Variants in PCDH9 observed in about 807,000 individuals in gnomAD.
PCDH9 encodes the protein protocadherin-9.
PCDH9 carries 24 observed loss-of-function variants against 70.6 expected under a neutral mutation model. The observed-to-expected ratio is 0.34, with a 90% CI of 0.25 to 0.48. The LOEUF is 0.48. PCDH9 is among the 20% of genes least tolerant of loss of function. PCDH9 has a pLI of 0.99. For missense variants in PCDH9, 1,281 were observed against 1,503.6 expected (o/e 0.85, Z 2.45); for synonymous variants, 562 against 558.5 (o/e 1.01, Z -0.09).
In PCDH9 at chr13:66,964,136, G is replaced by A. The variant is rs150129862; in HGVS notation, c.3037-60531C>T. 3.5e-3 allele frequency among the ~76,000 whole-genome samples: 528 copies of A among 151,834 alleles called. 2 individuals are homozygous for A. The highest frequency in any genetic ancestry group is 0.012 in the African/African-American group (506 of 41,432). On this transcript the variant is annotated intron_variant, in intron 2 of 4. Coordinates refer to ENST00000377865, the MANE Select transcript of PCDH9 (RefSeq NM_203487.3). The stretch of plus-strand genomic sequence containing the variant: ...ATATTCAAAAAACCAAAGATAACAC[G>A]GATATCTTTATTGGTAACAGAGTAA...
intron 3 of PCDH9, among the ~76,000 whole-genome samples, chr13:66,791,770 G>C (rs1225979731): frequency 1.4e-4 from 22 of 152,008 alleles, no homozygotes. Context: ...AATAACATTT[G>C]TTGTGATTGT....
chr13:67,143,528 A>G (rs536849319), intron 2 of PCDH9, among the ~76,000 whole-genome samples: 3 of 152,332 alleles, frequency 2.0e-5, no homozygotes, highest in African/African-American at 7.2e-5. Context: ...GCTGAATAGT[A>G]ATATTCACCC....
At chr13:66,623,689 TC>T (rs1340984132) in intron 4 of PCDH9, among the ~76,000 whole-genome samples, 1 of 152,194 alleles carries the variant, frequency 6.6e-6, no homozygotes, top group Non-Finnish European at 1.5e-5. Context: ...ATGTCCTGCC[TC>T]AGCCTCCCAA....
intron 2 of PCDH9, among the ~76,000 whole-genome samples, chr13:66,907,146 G>A (rs1033792130): frequency 2.0e-5 from 3 of 152,142 alleles, no homozygotes; most frequent in Non-Finnish European, 4.4e-5. Flanking sequence ...GGAGGTTGCA[G>A]TGAGCTGAGA....
rs1331551049 is a variant in PCDH9, at chr13:66,740,770, A to G, written c.3139-109359T>C. Among the ~76,000 whole-genome samples the G allele has an allele frequency of 1.2e-4, 18 of 151,436 alleles. No homozygotes were observed. The East Asian group carries it at 2.1e-3, about 18-fold the overall frequency. ...AATGAATAAATTCCTCGACACATACACTCTCCCAAGACTAAACCAGGAAGA... is the reference window on the plus strand; with the variant it reads ...AATGAATAAATTCCTCGACACATACGCTCTCCCAAGACTAAACCAGGAAGA... On this transcript the variant is annotated intron_variant, in intron 3 of 4. Coordinates refer to ENST00000377865, the MANE Select transcript of PCDH9 (RefSeq NM_203487.3).
intron 3 of PCDH9, among the ~76,000 whole-genome samples, chr13:66,737,882 CTG>C (rs1451049876): frequency 6.6e-6 from 1 of 151,634 alleles, no homozygotes; most frequent in Non-Finnish European, 1.5e-5. Flanking sequence ...GCACAGCAGT[CTG>C]AGATCAAACT....
chr13:67,203,940 G>C (rs767811388), intron 2 of PCDH9: 17 of 151,816 alleles, frequency 1.1e-4, no homozygotes, highest in Admixed American at 6.6e-5. Flanking sequence ...CTTTGTAGAA[G>C]AGAAAAAAAT....
intron 3 of PCDH9, among the ~76,000 whole-genome samples, chr13:66,868,623 G>A (rs1032869228): frequency 1.3e-5 from 2 of 152,012 alleles, no homozygotes; most frequent in Non-Finnish European, 2.9e-5. Flanking sequence ...AGACATGAGC[G>A]CATAGTAAAT....
intron 3 of PCDH9, among the ~76,000 whole-genome samples, chr13:66,648,517 T>A (rs1452668613): frequency 6.6e-6 from 1 of 152,222 alleles, no homozygotes; most frequent in Non-Finnish European, 1.5e-5. Context: ...GGGTGCCCCC[T>A]AATGCAGATG....
intron 3 of PCDH9, among the ~76,000 whole-genome samples, chr13:66,843,564 C>A (rs1023614475): frequency 2.0e-5 from 3 of 152,254 alleles, no homozygotes; most frequent in African/African-American, 7.2e-5. Flanking sequence ...GTCTCTGAAT[C>A]TGAGGCCAAG....
intron 2 of PCDH9, among the ~76,000 whole-genome samples, chr13:67,089,813 C>T (rs907967356): frequency 6.6e-6 from 1 of 151,878 alleles, no homozygotes; most frequent in Non-Finnish European, 1.5e-5. Context: ...ATAGAGAGAT[C>T]CTTAGATGAA....
At chr13:66,603,114 C>T (rs2077182591) in intron 4 of PCDH9, among the ~76,000 whole-genome samples, 1 of 145,816 alleles carries the variant, frequency 6.9e-6, no homozygotes, top group Admixed American at 6.9e-5. Flanking sequence ...TGATGCATGA[C>T]TATACTCTGG....
intron 4 of PCDH9, among the ~76,000 whole-genome samples, chr13:66,527,027 G>A (rs992014689): frequency 1.3e-5 from 2 of 152,104 alleles, no homozygotes; most frequent in Admixed American, 1.3e-4. Context: ...TAATATTTTG[G>A]GGATTTCTAT....
rs750871834 is a variant in PCDH9 at position 66,527,446 on chromosome 13, C to T, written c.3340+103764G>A. Among the ~76,000 whole-genome samples the T allele has an allele frequency of 3.3e-5, 5 of 152,056 alleles. No homozygotes were observed. The South Asian group carries it at 8.3e-4, about 25-fold the overall frequency. On this transcript the variant is annotated intron_variant, in intron 4 of 4. Transcript: ENST00000377865. ...TTTTCTTTCTCTGTATTCATCTTTG[C>T]CCCTCCCTTTTAATTTCTATAAAAC...
chr13:66,362,465 G>A (rs1956487663), intron 4 of PCDH9, among the ~76,000 whole-genome samples: 1 of 152,062 alleles, frequency 6.6e-6, no homozygotes, highest in Admixed American at 6.6e-5. Context: ...GTGATTCTGA[G>A]AGTGAAAGTC....
intron 4 of PCDH9, among the ~76,000 whole-genome samples, chr13:66,507,908 A>G (rs1196319929): frequency 6.6e-6 from 1 of 152,004 alleles, no homozygotes; most frequent in East Asian, 1.9e-4. Context: ...TTTTTAGTAG[A>G]GACAGGGTTT....
chr13:66,869,701 T>G (rs1001341672), intron 3 of PCDH9, among the ~76,000 whole-genome samples: 2 of 152,144 alleles, frequency 1.3e-5, no homozygotes, highest in Non-Finnish European at 2.9e-5. Flanking sequence ...TTATTGCTGG[T>G]GAAGTATGTG....
chr13:66,626,496 G>A (rs182162215), intron 4 of PCDH9, among the ~76,000 whole-genome samples: 5 of 152,266 alleles, frequency 3.3e-5, no homozygotes, highest in Admixed American at 3.3e-4. Context: ...GACCCCTCTA[G>A]GCAGATGAGA....
chr13:66,650,521 T>C (rs1438473199), intron 3 of PCDH9, among the ~76,000 whole-genome samples: 1 of 151,856 alleles, frequency 6.6e-6, no homozygotes, highest in African/African-American at 2.4e-5. Flanking sequence ...CTCAATACAA[T>C]AATAGCTAGA....
Sources: gnomAD v4.1 joint callset for allele counts (sites outside exome capture counted in the v4.1 genomes callset) on GRCh38, gnomAD v4.1.1 for gene constraint, MANE v1.5 for transcripts, NCBI Gene and HGNC (gene_info 2026-07-23, HGNC 2026-07-21) for gene names.